Variants in CADM2 observed in about 807,000 individuals in gnomAD.
CADM2 encodes immunoglobulin superfamily member 4D.
Under a neutral mutation model 49.8 loss-of-function variants are expected in CADM2, and 12 were observed. The observed-to-expected ratio is 0.24, with a 90% CI of 0.15 to 0.39. The LOEUF (loss-of-function observed/expected upper bound fraction) is 0.39. Ranked by LOEUF, CADM2 falls within the 10% of genes least tolerant of loss-of-function variation. CADM2 has a pLI of 1.00. For synonymous variants in CADM2, 214 were observed against 175.4 expected, an observed-to-expected ratio of 1.22 and a Z score of -1.74; for missense variants, 378 against 492.3, an observed-to-expected ratio of 0.77 and a Z score of 2.20.
At chr3:85,707,548 G>C (rs1228969540) in intron 1 of CADM2, among the ~76,000 whole-genome samples, 1 of 151,908 alleles carries the variant, frequency 6.6e-6, no homozygotes, top group Non-Finnish European at 1.5e-5. Flanking sequence ...AAACAGAATA[G>C]TACATCTGCA....
intron 1 of CADM2, among the ~76,000 whole-genome samples, chr3:85,489,881 C>T (rs905806612): frequency 6.6e-6 from 1 of 151,052 alleles, no homozygotes; most frequent in African/African-American, 2.4e-5. Flanking sequence ...AAGAAACAAG[C>T]AATAATGATG....
chr3:85,414,650 T>A (rs1433334226), intron 1 of CADM2, among the ~76,000 whole-genome samples: 2 of 152,204 alleles, frequency 1.3e-5, no homozygotes, highest in Non-Finnish European at 2.9e-5. Context: ...AAACTTTCAA[T>A]TTAAATTCTT....
rs180819241 is a variant in CADM2, at chr3:85,598,525, T to C, written c.62-127997T>C. On this transcript the variant is annotated intron_variant, in intron 1 of 9. Coordinates refer to ENST00000383699, the MANE Select transcript of CADM2 (RefSeq NM_001167675.2). ...ATTCTACGTATGGAGGAAGATTTCATTGGTTTTAACCATAATTTACTGTGA... is the reference window on the plus strand; with the variant it reads ...ATTCTACGTATGGAGGAAGATTTCACTGGTTTTAACCATAATTTACTGTGA... Among the ~76,000 whole-genome samples the C allele has an allele frequency of 1.9e-3, 284 of 152,102 alleles. 5 individuals carry two copies. The highest frequency in any genetic ancestry group is 0.016 in the Admixed American group (237 of 15,224).
At chr3:85,258,213 A>G (rs1413685479) in intron 1 of CADM2, among the ~76,000 whole-genome samples, 1 of 152,102 alleles carries the variant, frequency 6.6e-6, no homozygotes, top group Admixed American at 6.6e-5. Context: ...CCCTGCATAG[A>G]AAGTGTTTCA....
At chr3:85,607,576 A>T (rs560476502) in intron 1 of CADM2, among the ~76,000 whole-genome samples, 2 of 152,142 alleles carry the variant, frequency 1.3e-5, no homozygotes, top group South Asian at 2.1e-4. Flanking sequence ...ATCACCCTGA[A>T]TTGATTATTA....
At chr3:85,510,601 G>A (rs2040571133) in intron 1 of CADM2, among the ~76,000 whole-genome samples, 2 of 151,782 alleles carry the variant, frequency 1.3e-5, no homozygotes, top group Non-Finnish European at 2.9e-5. Context: ...GCTTTACGAA[G>A]TTAAATAACC....
chr3:85,530,300 G>A (rs2061269916), intron 1 of CADM2, among the ~76,000 whole-genome samples: 1 of 146,010 alleles, frequency 6.8e-6, no homozygotes, highest in African/African-American at 2.6e-5. Flanking sequence ...GGAACTGTGA[G>A]TCAGTTAGAC....
intron 1 of CADM2, among the ~76,000 whole-genome samples, chr3:84,972,292 A>T (rs779325396): frequency 3.9e-5 from 6 of 152,236 alleles, no homozygotes; most frequent in Non-Finnish European, 8.8e-5. Flanking sequence ...CCACCTAAAG[A>T]TGTTTTATAA....
At chr3:85,971,362 G>A (rs1726109074) in intron 8 of CADM2, among the ~76,000 whole-genome samples, 1 of 151,580 alleles carries the variant, frequency 6.6e-6, no homozygotes, top group Non-Finnish European at 1.5e-5. Context: ...AAATGACCAA[G>A]CCGAAAGTCT....
intron 1 of CADM2, among the ~76,000 whole-genome samples, chr3:85,326,598 T>C (rs2044757140): frequency 6.6e-6 from 1 of 152,142 alleles, no homozygotes. Context: ...CTATAATCAA[T>C]TTTGAAATGA....
intron 1 of CADM2, among the ~76,000 whole-genome samples, chr3:84,987,569 A>C (rs1480284993): frequency 6.6e-6 from 1 of 152,032 alleles, no homozygotes; most frequent in Admixed American, 6.6e-5. Context: ...CTAGTTTTTC[A>C]TTTTACTCCT....
At chr3:85,863,470 T>G (rs2075612580) in intron 3 of CADM2, among the ~76,000 whole-genome samples, 1 of 152,198 alleles carries the variant, frequency 6.6e-6, no homozygotes. Flanking sequence ...TCTGCCCTCT[T>G]GAATGGATTA....
chr3:86,024,468 T>TAAC (rs1465613396), intron 8 of CADM2, among the ~76,000 whole-genome samples: 1 of 152,224 alleles, frequency 6.6e-6, no homozygotes, highest in African/African-American at 2.4e-5. Flanking sequence ...TATGGAGTAT[T>TAAC]AACATATCAC....
intron 1 of CADM2, among the ~76,000 whole-genome samples, chr3:85,232,176 G>A (rs1432915940): frequency 6.7e-6 from 1 of 150,286 alleles, no homozygotes; most frequent in Non-Finnish European, 1.5e-5. Context: ...TAGTGATTTT[G>A]TTCAGTTAAA....
At chr3:85,599,903 A>G (rs968778673) in intron 1 of CADM2, among the ~76,000 whole-genome samples, 2 of 61,258 alleles carry the variant, frequency 3.3e-5, no homozygotes, top group Admixed American at 4.7e-4. Flanking sequence ...CTGCCTAGAA[A>G]TTATGTACAT....
intron 1 of CADM2, among the ~76,000 whole-genome samples, chr3:85,434,001 C>A (rs2036810673): frequency 6.6e-6 from 1 of 151,986 alleles, no homozygotes; most frequent in Non-Finnish European, 1.5e-5. Flanking sequence ...ATTCCTGACA[C>A]CTGTAGACAA....
chr3:84,961,004 AG>A (rs1271991696), intron 1 of CADM2, among the ~76,000 whole-genome samples: 1 of 152,130 alleles, frequency 6.6e-6, no homozygotes, highest in Non-Finnish European at 1.5e-5. Context: ...TTTTTAAGCT[AG>A]GTGACTAGAT....
At chr3:84,985,065 C>T (rs531876139) in intron 1 of CADM2, among the ~76,000 whole-genome samples, 9 of 151,970 alleles carry the variant, frequency 5.9e-5, no homozygotes, top group South Asian at 4.2e-4. Flanking sequence ...ATTTTTGGTA[C>T]GTGGGTTTAT....
chr3:85,563,415 G>GGGGGGC (rs879888942), intron 1 of CADM2, among the ~76,000 whole-genome samples: 1 of 149,024 alleles, frequency 6.7e-6, no homozygotes, highest in Non-Finnish European at 1.5e-5. Flanking sequence ...TGTGTGTGGG[G>GGGGGGC]GGGTGGTAAT....
Sources: allele counts gnomAD v4.1 joint callset (sites outside exome capture counted in the v4.1 genomes callset), GRCh38; gene constraint gnomAD v4.1.1; transcripts MANE v1.5; gene names NCBI Gene and HGNC (gene_info 2026-07-23, HGNC 2026-07-21).